Variants in C8orf34 observed in about 807,000 individuals in gnomAD.
C8orf34 encodes the protein uncharacterized protein C8orf34.
A neutral mutation model predicts 68.3 loss-of-function variants in C8orf34; 65 were observed. The observed-to-expected ratio is 0.95, with a 90% CI of 0.78 to 1.17. The LOEUF (loss-of-function observed/expected upper bound fraction) is 1.17. C8orf34 is among the 50% of genes most tolerant of loss of function. C8orf34 has a pLI of 0.00. For missense variants in C8orf34, 664 were observed against 655.4 expected, an observed-to-expected ratio of 1.01 and a Z score of -0.14; for synonymous variants, 244 against 241.2, an observed-to-expected ratio of 1.01 and a Z score of -0.11.
intron 12 of C8orf34, among the ~76,000 whole-genome samples, chr8:68,811,280 G>T (rs1203847310): frequency 6.6e-5 from 10 of 152,216 alleles, no homozygotes; most frequent in Admixed American, 6.5e-4. Context: ...TTGCTCCGAG[G>T]TCGGAGTGGG....
chr8:68,461,340 G>A (rs1324459332), intron 3 of C8orf34, among the ~76,000 whole-genome samples: 1 of 152,232 alleles, frequency 6.6e-6, no homozygotes, highest in Admixed American at 6.5e-5. Context: ...GTGACAGGGA[G>A]AATGGAACCA....
chr8:68,739,917 TAG>T (rs1213658978), intron 10 of C8orf34, among the ~76,000 whole-genome samples: 1 of 152,014 alleles, frequency 6.6e-6, no homozygotes, highest in African/African-American at 2.4e-5. Flanking sequence ...AACAGACACA[TAG>T]ACCAGAATAG....
At chr8:68,568,414 A>G (rs1816661456) in intron 7 of C8orf34, among the ~76,000 whole-genome samples, 1 of 152,134 alleles carries the variant, frequency 6.6e-6, no homozygotes, top group African/African-American at 2.4e-5. Context: ...TTTCACTTGA[A>G]CACTTCAGTA....
At chr8:68,500,663 C>A (rs1336551716) in intron 5 of C8orf34, among the ~76,000 whole-genome samples, 1 of 151,830 alleles carries the variant, frequency 6.6e-6, no homozygotes, top group African/African-American at 2.4e-5. Flanking sequence ...CAGCCCTCAA[C>A]ACACACACAC....
chr8:68,504,743 G>A (rs879375791), intron 5 of C8orf34, among the ~76,000 whole-genome samples: 2 of 150,242 alleles, frequency 1.3e-5, no homozygotes, highest in African/African-American at 2.5e-5. Flanking sequence ...GGAGTGGTGT[G>A]ATCTCAGCTC....
At chr8:68,432,965 C>T (rs956850491) in intron 1 of C8orf34, among the ~76,000 whole-genome samples, 2 of 152,114 alleles carry the variant, frequency 1.3e-5, no homozygotes, top group South Asian at 2.1e-4. Context: ...CGGGTGGAAA[C>T]CAAGTAGAAT....
At chr8:68,797,708 T>C (rs1824218569) in intron 12 of C8orf34, among the ~76,000 whole-genome samples, 2 of 152,122 alleles carry the variant, frequency 1.3e-5, no homozygotes, top group African/African-American at 2.4e-5. Context: ...ATCTAGCTAA[T>C]GACGACATGA....
chr8:68,385,413 T>G (rs1450419422), intron 1 of C8orf34, among the ~76,000 whole-genome samples: 1 of 152,184 alleles, frequency 6.6e-6, no homozygotes, highest in Non-Finnish European at 1.5e-5. Context: ...ATTTTTAGTT[T>G]TCAACATAGA....
chr8:68,776,368 CT>C, intron 10 of C8orf34, 30 bp from the exon 11 acceptor site: 1 of 1,580,908 alleles, frequency 6.3e-7, no homozygotes, highest in Non-Finnish European at 8.7e-7. Flanking sequence ...TTCTCCTGAC[CT>C]TTTCAACCTC....
At chr8:68,330,808 C>G (rs555244228), upstream of C8orf34, 1 of 488,654 alleles carries the variant, frequency 2.0e-6, no homozygotes, top group African/African-American at 2.1e-5. Context: ...CACACACACA[C>G]GCACGCACGC....
At chr8:68,597,603 C>T (rs953478678) in intron 7 of C8orf34, among the ~76,000 whole-genome samples, 2 of 136,934 alleles carry the variant, frequency 1.5e-5, no homozygotes, top group Non-Finnish European at 3.2e-5. Flanking sequence ...TGTGTGTGTG[C>T]ACGGACGAAG....
Position 68,333,899 on chromosome 8 carries a change from T to C in C8orf34, c.327+2560T>C, listed in dbSNP as rs112391943. Among the ~76,000 whole-genome samples, 15 of 152,354 alleles carry C rather than the reference T, an allele frequency of 9.8e-5. 2 individuals are homozygous for C. The highest frequency in any genetic ancestry group is 3.4e-4 in the African/African-American group (14 of 41,582). On this transcript the variant is annotated intron_variant, in intron 1 of 13. Coordinates refer to ENST00000518698, the MANE Select transcript of C8orf34 (RefSeq NM_052958.4). ...CAGGCTTCTTTCAGTTTGGAAAATATGCGGTATCTGATAATATGTCCCCCT... is the reference window on the plus strand; with the variant it reads ...CAGGCTTCTTTCAGTTTGGAAAATACGCGGTATCTGATAATATGTCCCCCT...
chr8:68,558,577 AAGAG>A (rs917361128), intron 7 of C8orf34, among the ~76,000 whole-genome samples: 13 of 152,020 alleles, frequency 8.6e-5, no homozygotes, highest in Admixed American at 7.2e-4. Flanking sequence ...AAAAGGATGA[AAGAG>A]AGAAAGAGAT....
At chr8:68,781,364 C>T (rs1212633417) in intron 11 of C8orf34, among the ~76,000 whole-genome samples, 1 of 152,116 alleles carries the variant, frequency 6.6e-6, no homozygotes, top group African/African-American at 2.4e-5. Flanking sequence ...TGATAAATAT[C>T]ACTATTTCCC....
At chr8:68,613,813 A>G (rs921162795) in intron 7 of C8orf34, among the ~76,000 whole-genome samples, 5 of 151,940 alleles carry the variant, frequency 3.3e-5, no homozygotes, top group Non-Finnish European at 2.9e-5. Context: ...CCAGTAATGG[A>G]ATGGCTGGGT....
chr8:68,636,261 T>C (rs1434252918), intron 7 of C8orf34, among the ~76,000 whole-genome samples: 2 of 152,054 alleles, frequency 1.3e-5, no homozygotes, highest in African/African-American at 4.8e-5. Flanking sequence ...CTGCAGAGAC[T>C]GTGGGTCAAC....
chr8:68,769,099 G>A (rs1322107391), intron 10 of C8orf34, among the ~76,000 whole-genome samples: 4 of 151,816 alleles, frequency 2.6e-5, no homozygotes, highest in Non-Finnish European at 5.9e-5. Context: ...ATTATTGTCA[G>A]GCATGCAGTG....
rs71554629 is a variant in C8orf34 at position 68,816,105 on chromosome 8, A to AGTGTGTGTGTGT, written c.1609+177_1609+188dup. On this transcript the variant is annotated intron_variant, in intron 13 of 13. Transcript: ENST00000518698. The stretch of plus-strand genomic sequence containing the variant: ...GCATAAGATTATAAGATTTCCTAAG[A>AGTGTGTGTGTGT]GTGTGTGTGTGTGTGTGTGTGTGTG... Among the ~76,000 whole-genome samples the AGTGTGTGTGTGT allele has an allele frequency of 3.2e-3, 462 of 144,610 alleles. 2 individuals are homozygous for AGTGTGTGTGTGT. Among genetic ancestry groups the AGTGTGTGTGTGT allele is most frequent in the African/African-American group, 9.7e-3 (380 of 39,106 alleles). 94.9% of individuals were successfully genotyped at this position (144,610 alleles called of 152,430 possible). A position where few individuals can be genotyped will look rare whatever the true frequency, so the allele number is the denominator to read the frequency against.
intron 7 of C8orf34, among the ~76,000 whole-genome samples, chr8:68,612,284 T>C (rs1818046176): frequency 6.6e-6 from 1 of 152,018 alleles, no homozygotes; most frequent in African/African-American, 2.4e-5. Flanking sequence ...CAATCTTGAG[T>C]TAGCCAGTTC....
Sources: gnomAD v4.1 joint callset for allele counts (sites outside exome capture counted in the v4.1 genomes callset) on GRCh38, gnomAD v4.1.1 for gene constraint, MANE v1.5 for transcripts, NCBI Gene and HGNC (gene_info 2026-07-23, HGNC 2026-07-21) for gene names.